The following CADPS2 variants were observed in gnomAD, a reference collection of about 807,000 sequenced individuals.
CADPS2 encodes the protein calcium-dependent secretion activator 2.
In CADPS2, 93 loss-of-function variants were observed where a neutral mutation model predicts 172.5. The ratio of observed to expected loss-of-function variants is 0.54; its 90% CI spans 0.46 to 0.64. The LOEUF is 0.64. Among genes scored for constraint, CADPS2 ranks in the 30% least tolerant of loss-of-function variants. The probability of loss-of-function intolerance (pLI) is 0.00; values close to 1 mark genes in which losing one functional copy is unlikely to be tolerated. For missense variants in CADPS2, 1,420 were observed against 1,565.9 expected (o/e 0.91, Z 1.57); for synonymous variants, 546 against 555.2 (o/e 0.98, Z 0.23).
At position 122,696,672 on chromosome 7, in the gene CADPS2, T is replaced by A. The variant is rs540424067; in HGVS notation, c.454-33103A>T. On this transcript the variant is annotated intron_variant, in intron 2 of 29. Transcript: ENST00000449022. ...TAGCCTTAGAGTTCAAAGCTGCTCA[T>A]TAAAATTATGCATGCTGAACTGTAA... 5.9e-5 allele frequency among the ~76,000 whole-genome samples: 9 copies of A among 152,290 alleles called. No individual in the cohort carries two copies. In the East Asian group the frequency reaches 1.5e-3, roughly 26 times the overall value.
At chr7:122,447,329 CTAAT>C (rs149324926) in intron 15 of CADPS2, among the ~76,000 whole-genome samples, 3,819 of 151,908 alleles carry the variant, frequency 0.025, 140 homozygotes, top group African/African-American at 0.088. Context: ...GTAGTACAAT[CTAAT>C]TAATACAACT....
intron 1 of CADPS2, among the ~76,000 whole-genome samples, chr7:122,809,641 ATTTT>A (rs1171808611): frequency 1.3e-5 from 2 of 151,962 alleles, no homozygotes; most frequent in Non-Finnish European, 2.9e-5. Context: ...CCAGTTAAAT[ATTTT>A]GGTCTAATTT....
chr7:122,407,425 G>A lies in CADPS2; in HGVS notation c.2746+115C>T, dbSNP rs1246210370. On this transcript the variant is annotated intron_variant, in intron 20 of 29. Coordinates refer to ENST00000449022, the MANE Select transcript of CADPS2 (RefSeq NM_017954.11). The stretch of plus-strand genomic sequence containing the variant: ...TCGGGCAGGCTGAGCAAACCTAAAT[G>A]TTACCCATGCGAACTCTTGTCAGGC... The A allele has an allele frequency of 2.0e-5, 23 of 1,134,014 alleles. No individual in the cohort carries two copies. In the South Asian group the frequency reaches 3.3e-4, roughly 16 times the overall value. 70.2% of individuals were successfully genotyped at this position (1,134,014 alleles called of 1,614,324 possible).
Position 122,367,540 on chromosome 7 carries a change from T to G in CADPS2, c.3388-6527A>C, listed in dbSNP as rs10240748. Among the ~76,000 whole-genome samples the G allele has an allele frequency of 8.9e-3, 106 of 11,884 alleles. 2 individuals are homozygous for G. Among genetic ancestry groups the G allele is most frequent in the Non-Finnish European group, 0.012 (47 of 4,040 alleles). 7.8% of individuals were successfully genotyped at this position (11,884 alleles called of 152,430 possible). Reference sequence around the variant, plus strand: ...AACCATATTCTAAACCTTCCCCCAGTTTTTTTTTTTTTTTTTTTTTTTTTA... The same window carrying G: ...AACCATATTCTAAACCTTCCCCCAGGTTTTTTTTTTTTTTTTTTTTTTTTA... On this transcript the variant is annotated intron_variant, in intron 25 of 29. Transcript: ENST00000449022.
chr7:122,336,140 G>T (rs1444043268), intron 28 of CADPS2, among the ~76,000 whole-genome samples: 1 of 152,174 alleles, frequency 6.6e-6, no homozygotes, highest in Non-Finnish European at 1.5e-5. Flanking sequence ...TCCTGCCAAT[G>T]CATTCAATAA....
chr7:122,328,907 G>T (rs2034426544), intron 28 of CADPS2, among the ~76,000 whole-genome samples: 1 of 152,146 alleles, frequency 6.6e-6, no homozygotes. Context: ...CAGAACATCA[G>T]TCTAATCTAG....
intron 8 of CADPS2, among the ~76,000 whole-genome samples, chr7:122,520,118 C>T (rs1490493874): frequency 2.0e-5 from 3 of 151,958 alleles, no homozygotes; most frequent in Non-Finnish European, 2.9e-5. Flanking sequence ...TTTATGAAAT[C>T]CATCAGAATG....
chr7:122,539,606 A>G (rs548898366), intron 8 of CADPS2, among the ~76,000 whole-genome samples: 1 of 152,282 alleles, frequency 6.6e-6, no homozygotes, highest in South Asian at 2.1e-4. Context: ...TAAGGAAAAC[A>G]AAAAGGCAAT....
chr7:122,724,859 A>T (rs2090915204), intron 2 of CADPS2, among the ~76,000 whole-genome samples: 1 of 152,042 alleles, frequency 6.6e-6, no homozygotes, highest in Non-Finnish European at 1.5e-5. Context: ...GTTGAAGTCT[A>T]GTGATTGTGA....
chr7:122,508,550 G>C (rs1011185240), intron 9 of CADPS2, among the ~76,000 whole-genome samples: 4 of 129,116 alleles, frequency 3.1e-5, no homozygotes, highest in African/African-American at 8.6e-5. Flanking sequence ...CTGCAGCCTT[G>C]AACTCCTGGC....
chr7:122,869,961 C>T (rs535725477), intron 1 of CADPS2, among the ~76,000 whole-genome samples: 1 of 151,948 alleles, frequency 6.6e-6, no homozygotes, highest in East Asian at 1.9e-4. Flanking sequence ...TTAGTAGATA[C>T]ACAAAAAGAA....
chr7:122,438,572 T>C, intron 16 of CADPS2, 108 bp from the exon 17 acceptor site: 1 of 1,300,636 alleles, frequency 7.7e-7, no homozygotes, highest in Admixed American at 2.1e-5. Context: ...ATTACACAAA[T>C]TGTCCTTGAT....
intron 3 of CADPS2, among the ~76,000 whole-genome samples, chr7:122,644,992 T>A (rs1271660857): frequency 6.6e-6 from 1 of 151,942 alleles, no homozygotes; most frequent in Non-Finnish European, 1.5e-5. Context: ...CCAAATCACA[T>A]TTTCCTTTGA....
At chr7:122,514,746 A>G (rs2060233378) in intron 8 of CADPS2, among the ~76,000 whole-genome samples, 1 of 152,178 alleles carries the variant, frequency 6.6e-6, no homozygotes, top group East Asian at 1.9e-4. Context: ...GTCCAACAGC[A>G]GTAAAATTAG....
At chr7:122,796,417 A>G (rs1207551244) in intron 1 of CADPS2, among the ~76,000 whole-genome samples, 1 of 152,198 alleles carries the variant, frequency 6.6e-6, no homozygotes, top group Non-Finnish European at 1.5e-5. Flanking sequence ...GGCAACCTTA[A>G]GCAAAATGAA....
chr7:122,738,322 C>T (rs2092290175), intron 1 of CADPS2, among the ~76,000 whole-genome samples: 1 of 151,874 alleles, frequency 6.6e-6, no homozygotes, highest in Non-Finnish European at 1.5e-5. Flanking sequence ...CTTCTAGGCA[C>T]TAAGCCCTGC....
chr7:122,632,224 A>G (rs1335138715), intron 3 of CADPS2, among the ~76,000 whole-genome samples: 1 of 152,176 alleles, frequency 6.6e-6, no homozygotes, highest in East Asian at 1.9e-4. Context: ...CATACCCAGT[A>G]GTAGGATTTC....
At chr7:122,405,387 G>GT (rs1185555190) in intron 20 of CADPS2, among the ~76,000 whole-genome samples, 1 of 152,226 alleles carries the variant, frequency 6.6e-6, no homozygotes. Context: ...TGAGGGCCAG[G>GT]TGCAGTGGCT....
chr7:122,660,652 T>C (rs909267876), intron 3 of CADPS2, among the ~76,000 whole-genome samples: 3 of 150,950 alleles, frequency 2.0e-5, no homozygotes, highest in African/African-American at 7.3e-5. Flanking sequence ...GGCTCACACC[T>C]GTAATCCCAG....
Sources: gnomAD v4.1 joint callset for allele counts (sites outside exome capture counted in the v4.1 genomes callset) on GRCh38, gnomAD v4.1.1 for gene constraint, MANE v1.5 for transcripts, NCBI Gene and HGNC (gene_info 2026-07-23, HGNC 2026-07-21) for gene names.